Variants in SOX5 observed in about 807,000 individuals in gnomAD.
The protein encoded by SOX5 is transcription factor SOX-5.
Under a neutral mutation model 92.0 loss-of-function variants are expected in SOX5, and 9 were observed. That is an observed-to-expected ratio of 0.10 (90% CI 0.06 to 0.17). The LOEUF is 0.17. SOX5 is among the 10% of genes least tolerant of loss of function. The pLI, the probability that SOX5 is intolerant of heterozygous loss-of-function variation, is 1.00. For synonymous variants in SOX5, 344 were observed against 336.3 expected (o/e 1.02, Z -0.25); for missense variants, 642 against 944.5 (o/e 0.68, Z 4.20).
At chr12:24,455,285 A>G (rs1384242963) in intron 1 of SOX5, among the ~76,000 whole-genome samples, 1 of 152,218 alleles carries the variant, frequency 6.6e-6, no homozygotes, top group African/African-American at 2.4e-5. Context: ...TTGAAACTGG[A>G]ACAGAACCTG....
intron 6 of SOX5, among the ~76,000 whole-genome samples, chr12:23,703,472 C>T (rs1349812315): frequency 6.6e-6 from 1 of 151,782 alleles, no homozygotes; most frequent in Non-Finnish European, 1.5e-5. Flanking sequence ...AAGTTGCTTA[C>T]AAACAACTCT....
intron 2 of SOX5, among the ~76,000 whole-genome samples, chr12:23,847,598 T>C (rs1166497679): frequency 6.6e-6 from 1 of 152,048 alleles, no homozygotes; most frequent in Non-Finnish European, 1.5e-5. Flanking sequence ...GTTAAGATAT[T>C]AGTGAGTACA....
At chr12:23,933,774 C>T (rs532129011) in intron 1 of SOX5, among the ~76,000 whole-genome samples, 12 of 151,616 alleles carry the variant, frequency 7.9e-5, no homozygotes, top group African/African-American at 2.9e-4. Flanking sequence ...AAAATTCTTG[C>T]TTTGTCTCTG....
intron 4 of SOX5, among the ~76,000 whole-genome samples, chr12:24,027,629 G>C: frequency 6.6e-6 from 1 of 151,970 alleles, no homozygotes; most frequent in Non-Finnish European, 1.5e-5. Context: ...GTGTTCTTTC[G>C]TTGAAGGTTT....
intron 1 of SOX5, among the ~76,000 whole-genome samples, chr12:23,899,024 T>C (rs544071501): frequency 2.0e-5 from 3 of 152,332 alleles, no homozygotes; most frequent in South Asian, 2.1e-4. Context: ...CTCAAAAATA[T>C]TGACAACAAA....
chr12:24,322,495 A>T (rs765203282), intron 2 of SOX5, among the ~76,000 whole-genome samples: 1 of 152,186 alleles, frequency 6.6e-6, no homozygotes, highest in Non-Finnish European at 1.5e-5. Context: ...ATGTGTGTGT[A>T]TGCACACGTA....
chr12:24,319,724 A>G (rs16927468), intron 2 of SOX5, among the ~76,000 whole-genome samples: 38,716 of 152,122 alleles, frequency 0.25, 5,763 homozygotes, highest in East Asian at 0.57. Context: ...GCTCTATGGT[A>G]CGGTGTGCAA....
intron 9 of SOX5, chr12:23,584,548 T>A: frequency 6.2e-7 from 1 of 1,604,334 alleles, no homozygotes; most frequent in Non-Finnish European, 8.5e-7. Context: ...CTCACATACA[T>A]GCATGCACAG....
At chr12:24,427,736 T>C (rs1966856545) in intron 1 of SOX5, among the ~76,000 whole-genome samples, 1 of 152,158 alleles carries the variant, frequency 6.6e-6, no homozygotes, top group East Asian at 1.9e-4. Context: ...ATATGAGGTG[T>C]GAATGTGTGT....
At chr12:23,877,851 T>C (rs2096944690) in intron 2 of SOX5, among the ~76,000 whole-genome samples, 1 of 152,056 alleles carries the variant, frequency 6.6e-6, no homozygotes, top group African/African-American at 2.4e-5. Context: ...CATTACCCTT[T>C]ATCACTTCTA....
At chr12:24,111,471 T>C (rs980878012) in intron 4 of SOX5, among the ~76,000 whole-genome samples, 1 of 152,232 alleles carries the variant, frequency 6.6e-6, no homozygotes, top group Non-Finnish European at 1.5e-5. Flanking sequence ...AAGGTAATAC[T>C]GTATTGGTTA....
intron 1 of SOX5, among the ~76,000 whole-genome samples, chr12:23,897,363 G>GA (rs933889680): frequency 6.6e-6 from 1 of 151,990 alleles, no homozygotes; most frequent in African/African-American, 2.4e-5. Context: ...TAGGACAGTA[G>GA]AAAAAAATAA....
chr12:23,891,115 G>C (rs1317838393), intron 2 of SOX5, among the ~76,000 whole-genome samples: 2 of 152,176 alleles, frequency 1.3e-5, no homozygotes, highest in African/African-American at 2.4e-5. Context: ...TATGTATATA[G>C]TGTGCTTAAG....
At chr12:23,906,903 T>C (rs555498683) in intron 1 of SOX5, among the ~76,000 whole-genome samples, 2 of 151,538 alleles carry the variant, frequency 1.3e-5, no homozygotes, top group Non-Finnish European at 2.9e-5. Context: ...GGTTGCCATA[T>C]GTATAAATTT....
At chr12:23,706,401 A>G (rs901479420) in intron 6 of SOX5, among the ~76,000 whole-genome samples, 3 of 152,116 alleles carry the variant, frequency 2.0e-5, no homozygotes, top group Admixed American at 1.3e-4. Flanking sequence ...AGTTATGCAG[A>G]TAAATTCTTA....
At chr12:23,611,648 G>C (rs985020068) in intron 8 of SOX5, among the ~76,000 whole-genome samples, 2 of 152,100 alleles carry the variant, frequency 1.3e-5, no homozygotes, top group Non-Finnish European at 2.9e-5. Flanking sequence ...TAAAGGCACA[G>C]GAGACAGAGA....
chr12:23,869,517 C>G (rs2096850943), intron 2 of SOX5, among the ~76,000 whole-genome samples: 1 of 152,080 alleles, frequency 6.6e-6, no homozygotes, highest in African/African-American at 2.4e-5. Flanking sequence ...TACCGCCCTA[C>G]TTCTGAAATT....
At chr12:24,496,956 G>A (rs928334685) in intron 1 of SOX5, among the ~76,000 whole-genome samples, 1 of 152,180 alleles carries the variant, frequency 6.6e-6, no homozygotes, top group African/African-American at 2.4e-5. Flanking sequence ...ACTAAGCATG[G>A]AATCTGTTAT....
intron 1 of SOX5, among the ~76,000 whole-genome samples, chr12:24,427,854 C>T (rs1195889306): frequency 6.6e-6 from 1 of 152,134 alleles, no homozygotes; most frequent in Non-Finnish European, 1.5e-5. Flanking sequence ...GGCAAGGAAG[C>T]TAGAAAACAT....
Sources: allele counts gnomAD v4.1 joint callset (sites outside exome capture counted in the v4.1 genomes callset), GRCh38; gene constraint gnomAD v4.1.1; transcripts MANE v1.5; gene names NCBI Gene and HGNC (gene_info 2026-07-23, HGNC 2026-07-21).